IRAG2: variants seen among roughly 807,000 people sequenced by gnomAD.
IRAG2 encodes the protein lymphoid restricted membrane protein.
IRAG2 carries 45 observed loss-of-function variants against 69.9 expected under a neutral mutation model. The ratio of observed to expected loss-of-function variants is 0.64; its 90% CI spans 0.51 to 0.83. The LOEUF (loss-of-function observed/expected upper bound fraction) is 0.83. Ranked by LOEUF, IRAG2 falls within the 40% of genes least tolerant of loss-of-function variation. The pLI is 0.00. For missense variants in IRAG2, 520 were observed against 587.0 expected (o/e 0.89, Z 1.18); for synonymous variants, 193 against 202.4 (o/e 0.95, Z 0.40).
chr12:25,036,401 T>C (rs1424801924), intron 14 of IRAG2, among the ~76,000 whole-genome samples: 1 of 152,208 alleles, frequency 6.6e-6, no homozygotes, highest in Non-Finnish European at 1.5e-5. Context: ...GAGCACCTGA[T>C]GATATAGCAT....
At position 25,094,069 on chromosome 12, in the gene IRAG2, ATAAAGACTTTTAAGTC is replaced by A. The variant is rs552204731; in HGVS notation, c.607-2839_607-2824del. Reference sequence around the variant, plus strand: ...TTCTGTTGACTGGGTCCTTTGATGTATAAAGACTTTTAAGTCTGATGTAGTTCCATTTGTCTATTTT... The same window carrying A: ...TTCTGTTGACTGGGTCCTTTGATGTATGATGTAGTTCCATTTGTCTATTTT... On this transcript the variant is annotated intron_variant, in intron 14 of 21. Coordinates refer to ENST00000556887, the MANE Select transcript of IRAG2 (RefSeq NM_001366544.2). 3.1e-4 allele frequency among the ~76,000 whole-genome samples: 44 copies of A among 143,678 alleles called. 1 individual carries two copies. Among genetic ancestry groups the A allele is most frequent in the Admixed American group, 2.9e-3 (42 of 14,404 alleles). 94.3% of individuals were successfully genotyped at this position (143,678 alleles called of 152,430 possible).
chr12:25,066,703 C>T (rs866721123), intron 5 of IRAG2, among the ~76,000 whole-genome samples, 191 bp downstream of exon 5: 15 of 150,452 alleles, frequency 1.0e-4, no homozygotes, highest in Admixed American at 6.0e-4. Context: ...CGCTCTCTTG[C>T]CCACACTGGA....
intron 15 of IRAG2, among the ~76,000 whole-genome samples, chr12:25,100,000 GAAAAA>G (rs56728551): frequency 0.25 from 6,514 of 25,566 alleles, 399 homozygotes; most frequent in Middle Eastern, 0.4. Context: ...GACTCCATCT[GAAAAA>G]AAAAAAAAAA....
chr12:25,024,963 A>G (rs1319327557), intron 8 of IRAG2, among the ~76,000 whole-genome samples: 1 of 152,260 alleles, frequency 6.6e-6, no homozygotes, highest in African/African-American at 2.4e-5. Flanking sequence ...GAAAACGAAT[A>G]TAAGTGTTGT....
intron 3 of IRAG2, chr12:25,015,087 T>TTAAAAAAAA (rs1944510792): frequency 6.2e-6 from 1 of 161,728 alleles, no homozygotes; most frequent in Non-Finnish European, 9.1e-6. Flanking sequence ...AGCATAAATC[T>TTAAAAAAAA]GAAAAAAAAA....
intron 8 of IRAG2, among the ~76,000 whole-genome samples, chr12:25,025,573 G>A (rs1944614639): frequency 6.6e-6 from 1 of 152,210 alleles, no homozygotes; most frequent in African/African-American, 2.4e-5. Context: ...TTTGAGCAAA[G>A]GAGTAATATG....
intron 6 of IRAG2, among the ~76,000 whole-genome samples, chr12:25,017,575 G>A (rs1944541023): frequency 6.6e-6 from 1 of 152,016 alleles, no homozygotes; most frequent in Admixed American, 6.6e-5. Flanking sequence ...AACATTAGCT[G>A]GGCATGGTGG....
chr12:25,005,410 C>A, intron 2 of IRAG2: 1 of 730,418 alleles, frequency 1.4e-6, no homozygotes, highest in Non-Finnish European at 1.9e-6. Context: ...GTCATCTGAA[C>A]TTTCTATTGT....
upstream of IRAG2, among the ~76,000 whole-genome samples, chr12:25,047,463 CTTTAACT>C (rs1944804258): frequency 6.6e-6 from 1 of 151,850 alleles, no homozygotes. Flanking sequence ...TTGTTTTTTC[CTTTAACT>C]TTTAAGTTCC....
chr12:25,015,611 G>C (rs1028034297), intron 5 of IRAG2, among the ~76,000 whole-genome samples: 3 of 152,098 alleles, frequency 2.0e-5, no homozygotes, highest in Admixed American at 1.3e-4. Context: ...GTTTCACTAG[G>C]AACACAAATT....
At chr12:25,026,836 A>G (rs985390677) in exon 9 of IRAG2, 1 of 1,229,964 alleles carries the variant, frequency 8.1e-7, no homozygotes. Context: ...AGAAGATTGA[A>G]GACTTGTCTA....
At chr12:25,057,252 ATT>A (rs368710047) in intron 1 of IRAG2, among the ~76,000 whole-genome samples, 247 of 89,022 alleles carry the variant, frequency 2.8e-3, no homozygotes, top group African/African-American at 0.011. Flanking sequence ...AGGTAGACAG[ATT>A]TTTTTTTTTT....
intron 9 of IRAG2, among the ~76,000 whole-genome samples, chr12:25,081,468 A>G (rs1211770101): frequency 6.6e-6 from 1 of 152,220 alleles, no homozygotes; most frequent in African/African-American, 2.4e-5. Context: ...CGTCTCAAAT[A>G]TATACAATTG....
chr12:25,107,845 A>AATC lies in IRAG2; in HGVS notation c.1286_1288dup (p.Asn429_Leu430insHis). 6.2e-7 allele frequency: 1 copy of AATC among 1,613,762 alleles called. No homozygotes were observed. The highest frequency in any genetic ancestry group is 1.1e-5 in the South Asian group (1 of 91,072). On this transcript the variant is annotated inframe_insertion, in exon 22 of 22. Coordinates refer to ENST00000556887, the MANE Select transcript of IRAG2 (RefSeq NM_001366544.2). The stretch of plus-strand genomic sequence containing the variant: ...TGACACAATAGCTTCCTGGGCAACA[A>AATC]ATCTCAAGTCCTCCATCAGAAAGGC...
intron 6 of IRAG2, among the ~76,000 whole-genome samples, chr12:25,070,718 A>C (rs970369266): frequency 6.6e-6 from 1 of 152,266 alleles, no homozygotes; most frequent in Non-Finnish European, 1.5e-5. Context: ...ACTGCAAAAC[A>C]GACTTCGAGG....
intron 14 of IRAG2, among the ~76,000 whole-genome samples, chr12:25,094,487 A>G (rs1308924426): frequency 1.3e-5 from 2 of 152,074 alleles, no homozygotes; most frequent in African/African-American, 2.4e-5. Context: ...TAGCATTGTA[A>G]TATGTTTTAA....
At chr12:25,002,266 T>A (rs1236733650), upstream of IRAG2, among the ~76,000 whole-genome samples, 1 of 152,198 alleles carries the variant, frequency 6.6e-6, no homozygotes, top group Non-Finnish European at 1.5e-5. Flanking sequence ...GAAAAGGTGA[T>A]CCTGAAAAGT....
At chr12:25,083,309 A>G (rs1255936187) in intron 9 of IRAG2, 114 bp from the exon 10 acceptor site, 7 of 757,988 alleles carry the variant, frequency 9.2e-6, no homozygotes, top group Non-Finnish European at 1.7e-5. Flanking sequence ...TTTGTCTCAT[A>G]TGTTAAGACC....
chr12:25,015,520 C>A, intron 5 of IRAG2: 1 of 829,638 alleles, frequency 1.2e-6, no homozygotes, highest in Non-Finnish European at 1.6e-6. Context: ...AATGAAGTCA[C>A]TTTGCTCTTT....
Sources: allele counts gnomAD v4.1 joint callset (sites outside exome capture counted in the v4.1 genomes callset), GRCh38; gene constraint gnomAD v4.1.1; transcripts MANE v1.5; gene names NCBI Gene and HGNC (gene_info 2026-07-23, HGNC 2026-07-21).